Variants in AUTS2 observed in about 807,000 individuals in gnomAD.
AUTS2 encodes the protein activator of transcription and developmental regulator AUTS2.
A neutral mutation model predicts 112.4 loss-of-function variants in AUTS2; 17 were observed. The observed-to-expected ratio is 0.15, with a 90% CI of 0.10 to 0.23. AUTS2 has a LOEUF of 0.23. Ranked by LOEUF, AUTS2 falls within the 10% of genes least tolerant of loss-of-function variation. The pLI is 1.00. For missense variants in AUTS2, 1,510 were observed against 1,701.6 expected (o/e 0.89, Z 1.98); for synonymous variants, 751 against 702.7 (o/e 1.07, Z -1.09).
At chr7:70,041,945 A>C (rs747482690) in intron 2 of AUTS2, among the ~76,000 whole-genome samples, 1 of 152,170 alleles carries the variant, frequency 6.6e-6, no homozygotes, top group Non-Finnish European at 1.5e-5. Context: ...TCTCCAAATA[A>C]CTGGATTATA....
intron 5 of AUTS2, among the ~76,000 whole-genome samples, chr7:70,548,423 G>A (rs1800878038): frequency 6.6e-6 from 1 of 151,910 alleles, no homozygotes; most frequent in Non-Finnish European, 1.5e-5. Flanking sequence ...TAATTTTGTT[G>A]AAGTCCAGTT....
At chr7:70,290,637 A>G in intron 4 of AUTS2, 2 of 1,396,118 alleles carry the variant, frequency 1.4e-6, no homozygotes, top group Non-Finnish European at 9.2e-7. Flanking sequence ...AGTGTGTTTT[A>G]GTTTAACCTT....
chr7:69,845,457 C>T (rs1792155244), intron 1 of AUTS2, among the ~76,000 whole-genome samples: 1 of 152,066 alleles, frequency 6.6e-6, no homozygotes, highest in Admixed American at 6.6e-5. Flanking sequence ...TTTTTATTAG[C>T]TAAGAAGGGC....
chr7:70,303,659 A>G (rs1240108102), intron 4 of AUTS2, among the ~76,000 whole-genome samples: 2 of 152,104 alleles, frequency 1.3e-5, no homozygotes, highest in African/African-American at 4.8e-5. Context: ...AGAGGGTGCT[A>G]TACAATTTGG....
intron 6 of AUTS2, among the ~76,000 whole-genome samples, chr7:70,727,984 C>T (rs543276449): frequency 1.3e-5 from 2 of 152,258 alleles, no homozygotes; most frequent in South Asian, 4.2e-4. Flanking sequence ...GAGGGCACCT[C>T]TCAAATGATG....
chr7:70,505,962 G>A (rs925169925), intron 5 of AUTS2, among the ~76,000 whole-genome samples: 2 of 152,146 alleles, frequency 1.3e-5, no homozygotes, highest in Non-Finnish European at 2.9e-5. Flanking sequence ...TTCTTTCCAG[G>A]CTCCGAGTAG....
At chr7:70,224,363 A>G (rs1255952407) in intron 4 of AUTS2, among the ~76,000 whole-genome samples, 1 of 148,232 alleles carries the variant, frequency 6.7e-6, no homozygotes, top group Non-Finnish European at 1.5e-5. Flanking sequence ...ACAATACAAT[A>G]CAATACAATA....
rs927913955 is a variant in AUTS2 at position 69,611,275 on chromosome 7, C to G, written c.309+11313C>G. Among the ~76,000 whole-genome samples the G allele has an allele frequency of 2.1e-4, 32 of 152,166 alleles. 1 individual carries two copies. The highest frequency in any genetic ancestry group is 6.5e-5 in the Admixed American group (1 of 15,274). On this transcript the variant is annotated intron_variant, in intron 1 of 18. Transcript: ENST00000342771. ...GGGAGTTTGTATTTCCAGATGTGAG[C>G]CTAGGAGGATATGTGGTGTCTTAGA... is the stretch of plus-strand genomic sequence containing the variant.
chr7:69,928,206 G>T (rs1796096836), intron 2 of AUTS2, among the ~76,000 whole-genome samples: 2 of 152,286 alleles, frequency 1.3e-5, no homozygotes, highest in Non-Finnish European at 2.9e-5. Context: ...CAGAATTTAG[G>T]AAGTGTGTGC....
intron 2 of AUTS2, among the ~76,000 whole-genome samples, chr7:70,030,337 A>G (rs528030636): frequency 1.3e-5 from 2 of 152,318 alleles, no homozygotes; most frequent in East Asian, 1.9e-4. Flanking sequence ...ATAATGTCAC[A>G]TTTGACAGGT....
intron 4 of AUTS2, among the ~76,000 whole-genome samples, chr7:70,204,019 A>G (rs535316630): frequency 3.3e-5 from 5 of 150,136 alleles, no homozygotes; most frequent in South Asian, 4.2e-4. Flanking sequence ...ATTTTTGTAT[A>G]TACGTGTATG....
At chr7:70,632,170 A>C (rs1453652687) in intron 5 of AUTS2, among the ~76,000 whole-genome samples, 1 of 152,072 alleles carries the variant, frequency 6.6e-6, no homozygotes, top group African/African-American at 2.4e-5. Context: ...GATCCTGGAC[A>C]GGGGTGATTC....
At chr7:70,324,929 C>A (rs1404945324) in intron 4 of AUTS2, among the ~76,000 whole-genome samples, 1 of 151,992 alleles carries the variant, frequency 6.6e-6, no homozygotes. Context: ...ATTTTAGAGT[C>A]AAAAAGACCC....
intron 1 of AUTS2, among the ~76,000 whole-genome samples, chr7:69,632,292 AG>A (rs1794283317): frequency 1.3e-5 from 2 of 152,174 alleles, no homozygotes; most frequent in Admixed American, 1.3e-4. Flanking sequence ...TATGTGTTCT[AG>A]GTCTTTATAG....
At chr7:70,463,058 T>C (rs1167865775) in intron 5 of AUTS2, among the ~76,000 whole-genome samples, 1 of 152,180 alleles carries the variant, frequency 6.6e-6, no homozygotes, top group Admixed American at 6.5e-5. Flanking sequence ...TTGGTTGGGT[T>C]CAGATACTTT....
chr7:70,716,557 C>T (rs1463715463), intron 6 of AUTS2, among the ~76,000 whole-genome samples: 1 of 140,262 alleles, frequency 7.1e-6, no homozygotes, highest in African/African-American at 2.6e-5. Flanking sequence ...GGCGTGAACC[C>T]GGCCGGGAGG....
At position 70,790,763 on chromosome 7, in the gene AUTS2, A is replaced by G. The variant is rs1791888898; in HGVS notation, c.3547A>G (p.Ser1183Gly). 6.2e-7 allele frequency: 1 copy of G among 1,600,922 alleles called. No homozygotes were observed. The highest frequency in any genetic ancestry group is 8.5e-7 in the Non-Finnish European group (1 of 1,172,458). The part of the protein sequence containing the change: ...ASLDGHLPHP[S>G]LITPGLPSMH... ...CCTCGACGGACACCTCCCCCACCCC[A>G]GCCTCATCACCCCGGGACTCCCCAG... The change falls in exon 19 of 19, where the codon AGC becomes GGC. Residue 1183 changes from serine (S) to glycine (G), a missense_variant. Coordinates refer to ENST00000342771, the MANE Select transcript of AUTS2 (RefSeq NM_015570.4). The surrounding 1 kb of genome is among the most constrained non-coding windows in gnomAD (Gnocchi z 7.6).
chr7:69,907,396 A>G (rs1189456888), intron 2 of AUTS2, among the ~76,000 whole-genome samples: 5 of 152,208 alleles, frequency 3.3e-5, no homozygotes, highest in African/African-American at 4.8e-5. Flanking sequence ...TCCGTATCCA[A>G]GGAGGATTCT....
intron 1 of AUTS2, among the ~76,000 whole-genome samples, chr7:69,863,687 G>C (rs1393154149): frequency 6.6e-6 from 1 of 152,194 alleles, no homozygotes; most frequent in Admixed American, 6.5e-5. Context: ...CTAGATGAAG[G>C]TTCCACCTAA....
Sources: gnomAD v4.1 joint callset for allele counts (sites outside exome capture counted in the v4.1 genomes callset) on GRCh38, gnomAD v4.1.1 for gene constraint, Gnocchi (gnomAD v3.1) non-coding constraint, MANE v1.5 for transcripts, NCBI Gene and HGNC (gene_info 2026-07-23, HGNC 2026-07-21) for gene names.